The following SLC39A11 variants were observed in gnomAD, a reference collection of about 807,000 sequenced individuals.
SLC39A11 encodes the protein zinc transporter ZIP11.
SLC39A11 carries 33 observed loss-of-function variants against 36.1 expected under a neutral mutation model. That is an observed-to-expected ratio of 0.91 (90% CI 0.69 to 1.22). The LOEUF is 1.22. SLC39A11 is among the 50% of genes most tolerant of loss of function. The pLI is 0.00. For synonymous variants in SLC39A11, 166 were observed against 170.3 expected (o/e 0.97, Z 0.20); for missense variants, 432 against 430.3 (o/e 1.00, Z -0.03).
intron 3 of SLC39A11, among the ~76,000 whole-genome samples, chr17:73,044,591 C>T (rs2059211441): frequency 6.6e-6 from 1 of 152,138 alleles, no homozygotes; most frequent in Admixed American, 6.5e-5. Context: ...TTCTCTATCT[C>T]AGCTGGACAT....
chr17:72,930,990 T>TGCTGCACTGGG (rs2084360273), intron 5 of SLC39A11, among the ~76,000 whole-genome samples: 1 of 152,094 alleles, frequency 6.6e-6, no homozygotes, highest in Non-Finnish European at 1.5e-5. Context: ...ACCCAGGAAA[T>TGCTGCACTGGG]GCTGCACTGG....
chr17:72,998,728 G>C (rs532520671), intron 4 of SLC39A11, among the ~76,000 whole-genome samples: 1 of 152,262 alleles, frequency 6.6e-6, no homozygotes, highest in South Asian at 2.1e-4. Context: ...GCTGCTTTGG[G>C]GTACACCTTG....
intron 3 of SLC39A11, among the ~76,000 whole-genome samples, chr17:73,037,042 G>A (rs1291190358): frequency 1.3e-5 from 2 of 152,056 alleles, no homozygotes; most frequent in African/African-American, 4.8e-5. Flanking sequence ...ATTCCTCCAT[G>A]TCTTCTCATG....
intron 5 of SLC39A11, among the ~76,000 whole-genome samples, chr17:72,854,054 A>C (rs2079511870): frequency 6.6e-6 from 1 of 152,176 alleles, no homozygotes; most frequent in Non-Finnish European, 1.5e-5. Context: ...TCAAACTCAG[A>C]AGCAAAACAA....
chr17:72,729,457 ATTTTT>A (rs55729197), intron 7 of SLC39A11, among the ~76,000 whole-genome samples: 3 of 7,238 alleles, frequency 4.1e-4, no homozygotes, highest in African/African-American at 6.7e-4. Context: ...ATATATATAT[ATTTTT>A]TTTTTTTTTT....
intron 6 of SLC39A11, among the ~76,000 whole-genome samples, chr17:72,751,367 C>T (rs891668294): frequency 6.6e-6 from 1 of 152,180 alleles, no homozygotes; most frequent in African/African-American, 2.4e-5. Flanking sequence ...TTGAAGAAGA[C>T]AGTTCTAAGA....
chr17:72,915,305 C>A (rs2147170991), intron 5 of SLC39A11, among the ~76,000 whole-genome samples: 1 of 152,304 alleles, frequency 6.6e-6, no homozygotes, highest in Non-Finnish European at 1.5e-5. Context: ...TACCAGTCAA[C>A]TAGGGACACC....
intron 6 of SLC39A11, among the ~76,000 whole-genome samples, chr17:72,786,078 G>A (rs956802379): frequency 3.9e-5 from 6 of 152,158 alleles, no homozygotes; most frequent in Non-Finnish European, 8.8e-5. Flanking sequence ...GGAGGCTAGT[G>A]ACACCTTTAT....
At chr17:72,916,085 A>G (rs890714939) in intron 5 of SLC39A11, among the ~76,000 whole-genome samples, 2 of 152,216 alleles carry the variant, frequency 1.3e-5, no homozygotes, top group African/African-American at 2.4e-5. Flanking sequence ...CTTCTGCTCA[A>G]TTAATGAGCA....
At chr17:72,738,249 C>T (rs2074520085) in intron 6 of SLC39A11, among the ~76,000 whole-genome samples, 1 of 152,170 alleles carries the variant, frequency 6.6e-6, no homozygotes, top group Admixed American at 6.5e-5. Context: ...CGTGATCCAC[C>T]CATCTCAGCC....
At chr17:72,937,869 G>A (rs1029186362) in intron 5 of SLC39A11, among the ~76,000 whole-genome samples, 6 of 152,182 alleles carry the variant, frequency 3.9e-5, no homozygotes, top group African/African-American at 1.4e-4. Flanking sequence ...TCTAAGAGCT[G>A]TAAGAGACCA....
Position 72,928,749 on chromosome 17 carries a change from G to C in SLC39A11, c.430+19003C>G, listed in dbSNP as rs1271693276. Among the ~76,000 whole-genome samples the C allele has an allele frequency of 4.6e-5, 7 of 152,318 alleles. No homozygotes were observed. In the East Asian group the frequency reaches 1.2e-3, roughly 25 times the overall value. ...TAGAGCAAGATTGAAAAGGCTTCTA[G>C]ATAGAGGTGATACAAACAAAGGGAA... On this transcript the variant is annotated intron_variant, in intron 5 of 9. Coordinates refer to ENST00000255559, the MANE Select transcript of SLC39A11 (RefSeq NM_139177.4).
chr17:72,901,340 T>C (rs2082386607), intron 5 of SLC39A11, among the ~76,000 whole-genome samples: 1 of 152,166 alleles, frequency 6.6e-6, no homozygotes. Flanking sequence ...TGTGGCTCAG[T>C]GTTAAATCCT....
chr17:73,005,775 C>T (rs939941156), intron 4 of SLC39A11, among the ~76,000 whole-genome samples: 2 of 152,086 alleles, frequency 1.3e-5, no homozygotes, highest in Non-Finnish European at 2.9e-5. Flanking sequence ...GGTGAACCCA[C>T]GTCTCTACTA....
At chr17:72,679,814 T>A (rs4793306) in intron 7 of SLC39A11, among the ~76,000 whole-genome samples, 1 of 151,880 alleles carries the variant, frequency 6.6e-6, no homozygotes. Context: ...GAGGCCAAGG[T>A]GGGCGGATCA....
intron 5 of SLC39A11, among the ~76,000 whole-genome samples, chr17:72,868,679 ACATGCCACAGG>A (rs2080447885): frequency 6.7e-6 from 1 of 150,072 alleles, no homozygotes. Flanking sequence ...GTGGGGTGGC[ACATGCCACAGG>A]CCCAGCTACT....
intron 4 of SLC39A11, among the ~76,000 whole-genome samples, chr17:72,975,322 C>T (rs2087765188): frequency 6.6e-6 from 1 of 152,128 alleles, no homozygotes; most frequent in African/African-American, 2.4e-5. Context: ...GCCTATAATC[C>T]CAGCCACTTT....
chr17:73,083,593 TCTAA>T (rs1450984602), intron 3 of SLC39A11, among the ~76,000 whole-genome samples: 1 of 152,106 alleles, frequency 6.6e-6, no homozygotes, highest in Non-Finnish European at 1.5e-5. Flanking sequence ...AGACTCCAGG[TCTAA>T]CTCTCAGCTT....
intron 7 of SLC39A11, among the ~76,000 whole-genome samples, chr17:72,732,068 A>G (rs1465368978): frequency 3.0e-4 from 1 of 3,378 alleles, no homozygotes; most frequent in Non-Finnish European, 1.2e-3. Flanking sequence ...TTTTTTTTTG[A>G]GACAGAGTCT....
Sources: gnomAD v4.1 joint callset for allele counts (sites outside exome capture counted in the v4.1 genomes callset) on GRCh38, gnomAD v4.1.1 for gene constraint, MANE v1.5 for transcripts, NCBI Gene and HGNC (gene_info 2026-07-23, HGNC 2026-07-21) for gene names.